MYT1L: variants seen among roughly 807,000 people sequenced by gnomAD.
MYT1L encodes the protein myelin transcription factor 1 like.
A neutral mutation model predicts 126.7 loss-of-function variants in MYT1L; 12 were observed. The observed-to-expected ratio is 0.09, with a 90% CI of 0.06 to 0.15. The LOEUF (loss-of-function observed/expected upper bound fraction) is 0.15. Ranked by LOEUF, MYT1L falls within the 10% of genes least tolerant of loss-of-function variation. The pLI is 1.00. For synonymous variants in MYT1L, 541 were observed against 604.2 expected (o/e 0.90, Z 1.53); for missense variants, 979 against 1,585.2 (o/e 0.62, Z 6.49).
intron 4 of MYT1L, among the ~76,000 whole-genome samples, chr2:2,030,343 C>A (rs748170015): frequency 3.3e-5 from 5 of 152,018 alleles, no homozygotes; most frequent in African/African-American, 1.2e-4. Context: ...ATGATCCACC[C>A]GCCTCAGCCT....
At position 1,852,697 on chromosome 2, in the gene MYT1L, A is replaced by G. The variant is rs997927854; in HGVS notation, c.2712-994T>C. Reference sequence around the variant, plus strand: ...AAAAAATTCCCTTTATTTCCATTACATTTGTAATTCTCCAAAAATGACAAG... The same window carrying G: ...AAAAAATTCCCTTTATTTCCATTACGTTTGTAATTCTCCAAAAATGACAAG... On this transcript the variant is annotated intron_variant, in intron 18 of 24. Coordinates refer to ENST00000647738, the MANE Select transcript of MYT1L (RefSeq NM_001303052.2). The surrounding 1 kb of genome is among the most constrained non-coding windows in gnomAD (Gnocchi z 4.0). 2.0e-5 allele frequency among the ~76,000 whole-genome samples: 3 copies of G among 152,154 alleles called. No individual in the cohort carries two copies. The highest frequency in any genetic ancestry group is 2.9e-5 in the Non-Finnish European group (2 of 68,034).
At chr2:1,928,420 C>T (rs1213629175) in intron 9 of MYT1L, among the ~76,000 whole-genome samples, 1 of 152,188 alleles carries the variant, frequency 6.6e-6, no homozygotes, top group Non-Finnish European at 1.5e-5. Flanking sequence ...TACCCCATCA[C>T]TCACTGTGAA....
Position 2,134,308 on chromosome 2 carries a change from G to T in MYT1L, c.-304+38564C>A, listed in dbSNP as rs151313900. 1.1e-3 allele frequency among the ~76,000 whole-genome samples: 173 copies of T among 152,236 alleles called. 1 individual carries two copies. The highest frequency in any genetic ancestry group is 3.5e-3 in the African/African-American group (147 of 41,528). ...TGCCACGAAGATGCCTCCAAACTTT[G>T]TTCCTACTATTGTAAATCTCCTAAG... On this transcript the variant is annotated intron_variant, in intron 3 of 24. Coordinates refer to ENST00000647738, the MANE Select transcript of MYT1L (RefSeq NM_001303052.2).
intron 19 of MYT1L, among the ~76,000 whole-genome samples, chr2:1,845,838 A>G (rs945173633): frequency 6.6e-6 from 1 of 152,162 alleles, no homozygotes; most frequent in African/African-American, 2.4e-5. Flanking sequence ...TGAATTATTC[A>G]CTGTCAAATG....
intron 18 of MYT1L, among the ~76,000 whole-genome samples, chr2:1,885,976 T>C (rs2048123855): frequency 6.6e-6 from 1 of 152,186 alleles, no homozygotes; most frequent in Non-Finnish European, 1.5e-5. Context: ...ATTATAGGCA[T>C]AGAGAAGAGG....
At chr2:2,003,777 C>G (rs1250978345) in intron 4 of MYT1L, among the ~76,000 whole-genome samples, 1 of 152,138 alleles carries the variant, frequency 6.6e-6, no homozygotes, top group Non-Finnish European at 1.5e-5. Flanking sequence ...CTTTCCCTGA[C>G]TAAGTCTCCC....
intron 2 of MYT1L, among the ~76,000 whole-genome samples, chr2:2,190,555 TAAA>T (rs777939174): frequency 5.5e-5 from 6 of 108,448 alleles, no homozygotes; most frequent in Non-Finnish European, 9.3e-5. Context: ...CAAGACCTGT[TAAA>T]AAAAAAAAAA....
chr2:2,299,103 T>TC (rs1245824668), intron 1 of MYT1L, among the ~76,000 whole-genome samples: 21 of 152,158 alleles, frequency 1.4e-4, no homozygotes, highest in Admixed American at 1.2e-3. Flanking sequence ...CCATCCGCCT[T>TC]GGCCTCCCAA....
At chr2:2,221,233 G>A (rs1019180411) in intron 2 of MYT1L, among the ~76,000 whole-genome samples, 11 of 152,162 alleles carry the variant, frequency 7.2e-5, no homozygotes, top group African/African-American at 2.7e-4. Context: ...TGCTCCCTGA[G>A]GAGGGCAGAC....
At chr2:1,859,636 T>C (rs977857453) in intron 18 of MYT1L, among the ~76,000 whole-genome samples, 1 of 152,234 alleles carries the variant, frequency 6.6e-6, no homozygotes, top group African/African-American at 2.4e-5. Context: ...CCTAAGTTTA[T>C]CTGGATGACA....
intron 19 of MYT1L, among the ~76,000 whole-genome samples, chr2:1,850,548 A>G (rs2043135329): frequency 6.6e-6 from 1 of 152,094 alleles, no homozygotes; most frequent in Non-Finnish European, 1.5e-5. Flanking sequence ...TGTGGACGAT[A>G]TGTTCACAAA....
intron 21 of MYT1L, among the ~76,000 whole-genome samples, chr2:1,814,368 C>T (rs939187332): frequency 6.6e-6 from 1 of 152,228 alleles, no homozygotes; most frequent in African/African-American, 2.4e-5. Flanking sequence ...GAATCCCCTG[C>T]GCCCTGGAGC....
At chr2:1,913,426 G>A (rs2052346258) in intron 11 of MYT1L, among the ~76,000 whole-genome samples, 1 of 152,112 alleles carries the variant, frequency 6.6e-6, no homozygotes, top group African/African-American at 2.4e-5. Context: ...CTTTCTGAGA[G>A]GATCCAAGCA....
chr2:2,075,067 G>GA (rs1374991334), intron 3 of MYT1L, among the ~76,000 whole-genome samples: 1 of 152,130 alleles, frequency 6.6e-6, no homozygotes, highest in Admixed American at 6.5e-5. Context: ...TCAAACCTGG[G>GA]AGTCAAGCCC....
intron 2 of MYT1L, among the ~76,000 whole-genome samples, chr2:2,178,602 C>A (rs2091084576): frequency 6.6e-6 from 1 of 152,170 alleles, no homozygotes; most frequent in African/African-American, 2.4e-5. Context: ...TCTCTGTCCC[C>A]TCAGGGTCTG....
At chr2:2,185,071 G>A (rs1003332337) in intron 2 of MYT1L, among the ~76,000 whole-genome samples, 6 of 152,074 alleles carry the variant, frequency 3.9e-5, no homozygotes, top group African/African-American at 1.2e-4. Context: ...TTTAGAAAAT[G>A]CCCTCATGCT....
At chr2:2,178,455 T>C (rs1170486118) in intron 2 of MYT1L, among the ~76,000 whole-genome samples, 6 of 152,174 alleles carry the variant, frequency 3.9e-5, no homozygotes, top group African/African-American at 1.2e-4. Flanking sequence ...AGCAAAATGA[T>C]ATAGAAGAGC....
chr2:1,940,494 G>A (rs1445675271), intron 9 of MYT1L, among the ~76,000 whole-genome samples: 1 of 142,742 alleles, frequency 7.0e-6, no homozygotes, highest in Non-Finnish European at 1.5e-5. Context: ...AGTAAACTGG[G>A]TGCACCTGTC....
chr2:1,893,625 G>C (rs2049202974), intron 14 of MYT1L, among the ~76,000 whole-genome samples: 1 of 152,200 alleles, frequency 6.6e-6, no homozygotes, highest in Admixed American at 6.5e-5. Context: ...GTTGGTCATG[G>C]CTCCTGCGGT....
Sources: gnomAD v4.1 joint callset for allele counts (sites outside exome capture counted in the v4.1 genomes callset) on GRCh38, gnomAD v4.1.1 for gene constraint, Gnocchi (gnomAD v3.1) non-coding constraint, MANE v1.5 for transcripts, NCBI Gene and HGNC (gene_info 2026-07-23, HGNC 2026-07-21) for gene names.